Variants in NCKAP5 observed in about 807,000 individuals in gnomAD.
NCKAP5 encodes the protein NCK associated protein 5.
Under a neutral mutation model 167.0 loss-of-function variants are expected in NCKAP5, and 92 were observed. The ratio of observed to expected loss-of-function variants is 0.55; its 90% CI spans 0.47 to 0.66. The LOEUF is 0.66. Among genes scored for constraint, NCKAP5 ranks in the 30% least tolerant of loss-of-function variants. The pLI is 0.00. For missense variants in NCKAP5, 2,378 were observed against 2,315.0 expected (o/e 1.03, Z -0.56); for synonymous variants, 891 against 877.4 (o/e 1.02, Z -0.27).
intron 8 of NCKAP5, chr2:132,930,649 T>C: frequency 6.6e-6 from 1 of 152,226 alleles, no homozygotes; most frequent in East Asian, 1.9e-4. Context: ...TTCCTGGTTT[T>C]CCAGCTGCAG....
chr2:133,058,278 C>T (rs941978920), intron 6 of NCKAP5, among the ~76,000 whole-genome samples: 4 of 152,192 alleles, frequency 2.6e-5, no homozygotes, highest in African/African-American at 9.7e-5. Flanking sequence ...GTTATCTCAA[C>T]TCTCAGGCCT....
chr2:132,855,630 T>C (rs1176359724), intron 11 of NCKAP5, among the ~76,000 whole-genome samples: 2 of 152,206 alleles, frequency 1.3e-5, no homozygotes, highest in Non-Finnish European at 1.5e-5. Context: ...TCTTAGTTTG[T>C]GTCTCAAGAG....
At chr2:133,485,612 C>T (rs763626314) in intron 3 of NCKAP5, among the ~76,000 whole-genome samples, 3 of 152,168 alleles carry the variant, frequency 2.0e-5, no homozygotes, top group Non-Finnish European at 2.9e-5. Flanking sequence ...GGCACATCAG[C>T]TTCACATAGA....
chr2:133,283,696 C>T (rs2090008427), intron 4 of NCKAP5, among the ~76,000 whole-genome samples: 1 of 151,550 alleles, frequency 6.6e-6, no homozygotes, highest in African/African-American at 2.4e-5. Context: ...CTGCAACCTC[C>T]ACCTCCCAGG....
At chr2:132,843,731 CTTACT>C (rs1688468544) in intron 11 of NCKAP5, among the ~76,000 whole-genome samples, 1 of 151,920 alleles carries the variant, frequency 6.6e-6, no homozygotes, top group Admixed American at 6.6e-5. Flanking sequence ...TTTCTTATAT[CTTACT>C]TTAGATCTCT....
chr2:132,782,601 G>A lies in NCKAP5; in HGVS notation c.4210C>T (p.Leu1404Phe), dbSNP rs1330764927. The change falls in exon 14 of 20, where the codon CTT becomes TTT. Residue 1404 changes from leucine to phenylalanine, a missense_variant. Leu to Phe is a conservative substitution (Grantham distance 22). Transcript: ENST00000409261. ...GECPSANVAV[L>F]GEPGSDRRSC... ...CGGCGGTCACTGCCTGGTTCCCCAA[G>A]TACAGCCACATTGGCACTGGGGCAC... 6.3e-7 allele frequency: 1 copy of A among 1,590,568 alleles called. No homozygotes were observed. Among genetic ancestry groups the A allele is most frequent in the Non-Finnish European group, 8.6e-7 (1 of 1,168,058 alleles).
chr2:132,936,440 T>A (rs1169292818), intron 8 of NCKAP5, among the ~76,000 whole-genome samples: 1 of 152,210 alleles, frequency 6.6e-6, no homozygotes, highest in Admixed American at 6.5e-5. Flanking sequence ...GACTCACTTG[T>A]CTGATAATAT....
intron 18 of NCKAP5, among the ~76,000 whole-genome samples, chr2:132,728,362 C>A (rs1454174679): frequency 6.6e-6 from 1 of 152,132 alleles, no homozygotes; most frequent in Non-Finnish European, 1.5e-5. Flanking sequence ...CGGATTCTAG[C>A]AAGTCATTTG....
At chr2:133,565,544 G>C (rs4954066) in intron 1 of NCKAP5, among the ~76,000 whole-genome samples, 119,730 of 152,172 alleles carry the variant, frequency 0.79, 47,250 homozygotes, top group East Asian at 0.82. Context: ...GCCTGGGCAG[G>C]CCAGTTCCAG....
At chr2:133,222,496 G>C (rs1372229943) in intron 4 of NCKAP5, among the ~76,000 whole-genome samples, 1 of 152,154 alleles carries the variant, frequency 6.6e-6, no homozygotes, top group African/African-American at 2.4e-5. Context: ...ATACTCATGA[G>C]AGAATGAGAA....
intron 16 of NCKAP5, among the ~76,000 whole-genome samples, chr2:132,749,806 T>C (rs554753767): frequency 3.3e-5 from 5 of 152,264 alleles, no homozygotes; most frequent in South Asian, 2.1e-4. Context: ...AGAGTTCTGA[T>C]AGGAACGGAA....
At chr2:133,059,663 G>C (rs1254567442) in intron 6 of NCKAP5, among the ~76,000 whole-genome samples, 1 of 147,714 alleles carries the variant, frequency 6.8e-6, no homozygotes, top group African/African-American at 2.5e-5. Flanking sequence ...GACAGAGTGA[G>C]ATGCTATTTC....
chr2:133,123,455 G>A lies in NCKAP5; in HGVS notation c.341+6523C>T, dbSNP rs563364467. On this transcript the variant is annotated intron_variant, in intron 6 of 19. Coordinates refer to ENST00000409261, the MANE Select transcript of NCKAP5 (RefSeq NM_207363.3). Reference sequence around the variant, plus strand: ...TCATTTAAAATCTTTTCTTCCATCTGTTGTAATTTGAAGAAAATTTATCCT... The same window carrying A: ...TCATTTAAAATCTTTTCTTCCATCTATTGTAATTTGAAGAAAATTTATCCT... 5 of 201,188 alleles carry A rather than the reference G, an allele frequency of 2.5e-5. No homozygotes were observed. The Admixed American group carries it at 2.6e-4, about 10-fold the overall frequency. The allele number at this position is 201,188 out of a possible 1,614,324, so 12.5% of individuals were successfully genotyped here. A position where few individuals can be genotyped will look rare whatever the true frequency, so the allele number is the denominator to read the frequency against.
intron 19 of NCKAP5, among the ~76,000 whole-genome samples, chr2:132,676,428 T>G (rs1159640991): frequency 6.6e-6 from 1 of 151,342 alleles, no homozygotes; most frequent in African/African-American, 2.4e-5. Flanking sequence ...TTGCCTAGGA[T>G]CAGAAGAGTC....
rs373523041 is a variant in NCKAP5, at chr2:133,382,185, C to A, written c.70-79075G>T. On this transcript the variant is annotated intron_variant, in intron 3 of 19. Transcript: ENST00000409261. ...GCCTCTTCCTCAATCTCAAATTCAA[C>A]GAACATCATCATCAATTATATTCTT... Among the ~76,000 whole-genome samples the A allele has an allele frequency of 2.0e-5, 3 of 152,270 alleles. No homozygotes were observed. The East Asian group carries it at 5.8e-4, about 29-fold the overall frequency.
At chr2:132,829,098 C>A (rs1687338114) in intron 11 of NCKAP5, among the ~76,000 whole-genome samples, 1 of 152,180 alleles carries the variant, frequency 6.6e-6, no homozygotes, top group Admixed American at 6.5e-5. Context: ...ACGACAATGT[C>A]AGCTCATCAG....
At chr2:133,052,693 G>A (rs1165121280) in intron 6 of NCKAP5, among the ~76,000 whole-genome samples, 9 of 151,358 alleles carry the variant, frequency 5.9e-5, no homozygotes, top group Non-Finnish European at 1.0e-4. Context: ...ACTCCAGCCT[G>A]GGCGACAAAA....
the NCKAP5 span, among the ~76,000 whole-genome samples, chr2:133,673,431 C>T: frequency 6.6e-6 from 1 of 152,152 alleles, no homozygotes; most frequent in Non-Finnish European, 1.5e-5. Flanking sequence ...TGTTGCATGG[C>T]ACCCATTTCA....
At chr2:133,409,355 T>C (rs1054089768) in intron 3 of NCKAP5, among the ~76,000 whole-genome samples, 7 of 152,226 alleles carry the variant, frequency 4.6e-5, no homozygotes, top group African/African-American at 1.7e-4. Flanking sequence ...AAGCAGACGC[T>C]AAACATCTCA....
Sources: gnomAD v4.1 joint callset for allele counts (sites outside exome capture counted in the v4.1 genomes callset) on GRCh38, gnomAD v4.1.1 for gene constraint, MANE v1.5 for transcripts, NCBI Gene and HGNC (gene_info 2026-07-23, HGNC 2026-07-21) for gene names.